Variants in DLG2 observed in about 807,000 individuals in gnomAD.
The protein encoded by DLG2 is discs large MAGUK scaffold protein 2, also known as disks large homolog 2.
A neutral mutation model predicts 132.5 loss-of-function variants in DLG2; 45 were observed. The ratio of observed to expected loss-of-function variants is 0.34; its 90% CI spans 0.27 to 0.44. DLG2 has a LOEUF of 0.44. DLG2 is among the 20% of genes least tolerant of loss of function. The pLI, the probability that DLG2 is intolerant of heterozygous loss-of-function variation, is 1.00. For synonymous variants in DLG2, 424 were observed against 419.6 expected (o/e 1.01, Z -0.13); for missense variants, 1,045 against 1,196.9 (o/e 0.87, Z 1.87).
chr11:84,873,315 C>G (rs1329515380), intron 6 of DLG2, among the ~76,000 whole-genome samples: 1 of 152,132 alleles, frequency 6.6e-6, no homozygotes, highest in Non-Finnish European at 1.5e-5. Flanking sequence ...CAGGCAGCCT[C>G]TAGAAGCTGG....
At chr11:84,106,762 A>G (rs2092942802) in intron 9 of DLG2, among the ~76,000 whole-genome samples, 1 of 152,016 alleles carries the variant, frequency 6.6e-6, no homozygotes. Flanking sequence ...TGTAGACCAA[A>G]GAACTCCTGA....
intron 7 of DLG2, among the ~76,000 whole-genome samples, chr11:84,316,327 GTTC>G (rs1052532825): frequency 1.3e-5 from 2 of 151,932 alleles, no homozygotes; most frequent in Non-Finnish European, 2.9e-5. Flanking sequence ...GTAAATAATT[GTTC>G]TTCTCCATAA....
intron 8 of DLG2, among the ~76,000 whole-genome samples, chr11:84,195,453 C>A (rs768359578): frequency 6.6e-6 from 1 of 152,124 alleles, no homozygotes; most frequent in African/African-American, 2.4e-5. Flanking sequence ...CATAAGCTAC[C>A]GTGCCCAGCC....
Position 84,760,724 on chromosome 11 carries a change from A to G in DLG2, c.358-225993T>C, listed in dbSNP as rs576922363. 5.9e-5 allele frequency among the ~76,000 whole-genome samples: 9 copies of G among 152,290 alleles called. No individual in the cohort carries two copies. In the East Asian group the frequency reaches 1.7e-3, roughly 29 times the overall value. On this transcript the variant is annotated intron_variant, in intron 6 of 27. Transcript: ENST00000376104. ...TGTTTTTCTCTGCAGTCCTGTATATACTAATATGAACAGGAGACAGGAAAA... is the reference window on the plus strand; with the variant it reads ...TGTTTTTCTCTGCAGTCCTGTATATGCTAATATGAACAGGAGACAGGAAAA...
At chr11:83,731,044 G>A (rs2090917097) in intron 18 of DLG2, among the ~76,000 whole-genome samples, 1 of 152,152 alleles carries the variant, frequency 6.6e-6, no homozygotes, top group Non-Finnish European at 1.5e-5. Flanking sequence ...TGTTGAGTTA[G>A]TATACTCATC....
chr11:84,566,251 C>A (rs906398010), intron 6 of DLG2, among the ~76,000 whole-genome samples: 5 of 152,088 alleles, frequency 3.3e-5, no homozygotes, highest in African/African-American at 1.2e-4. Context: ...GCATGAGACA[C>A]CGTGTCTGGT....
chr11:83,657,775 C>A (rs552171173), intron 18 of DLG2, among the ~76,000 whole-genome samples: 1 of 152,014 alleles, frequency 6.6e-6, no homozygotes, highest in Non-Finnish European at 1.5e-5. Flanking sequence ...CTCCTGACCT[C>A]GTGATCCGCC....
chr11:83,622,021 T>C (rs2061710187), intron 19 of DLG2, among the ~76,000 whole-genome samples: 1 of 152,158 alleles, frequency 6.6e-6, no homozygotes, highest in Admixed American at 6.5e-5. Flanking sequence ...CTCAAGCGAT[T>C]CTCCTGCCTT....
chr11:85,609,524 G>A (rs2080839168), intron 2 of DLG2, among the ~76,000 whole-genome samples: 1 of 152,160 alleles, frequency 6.6e-6, no homozygotes, highest in African/African-American at 2.4e-5. Flanking sequence ...TATCAGTGTG[G>A]TTTACAAGGA....
At chr11:84,440,522 T>C (rs937763496) in intron 7 of DLG2, among the ~76,000 whole-genome samples, 4 of 152,190 alleles carry the variant, frequency 2.6e-5, no homozygotes, top group Non-Finnish European at 4.4e-5. Flanking sequence ...GCTGTAAAGG[T>C]GGCAGCTTCC....
At chr11:83,861,061 G>C (rs1332633181) in intron 16 of DLG2, among the ~76,000 whole-genome samples, 1 of 152,002 alleles carries the variant, frequency 6.6e-6, no homozygotes, top group Non-Finnish European at 1.5e-5. Flanking sequence ...TGTGAAAATG[G>C]ACTAATAAAA....
intron 4 of DLG2, among the ~76,000 whole-genome samples, chr11:85,210,539 C>CT (rs907337737): frequency 7.3e-5 from 11 of 151,628 alleles, no homozygotes; most frequent in South Asian, 2.1e-4. Flanking sequence ...TTTTCTTATA[C>CT]TTTTTTTTTC....
At chr11:84,193,163 T>C (rs1214241740) in intron 8 of DLG2, among the ~76,000 whole-genome samples, 1 of 152,168 alleles carries the variant, frequency 6.6e-6, no homozygotes, top group African/African-American at 2.4e-5. Context: ...TCCTAGACAG[T>C]CATTGTTGAA....
At chr11:83,669,758 G>GA (rs2076522624) in intron 18 of DLG2, among the ~76,000 whole-genome samples, 1 of 152,166 alleles carries the variant, frequency 6.6e-6, no homozygotes, top group African/African-American at 2.4e-5. Context: ...AAACAAACAT[G>GA]AAAAGCTATC....
chr11:83,497,311 G>T (rs967597932), intron 21 of DLG2, among the ~76,000 whole-genome samples: 1 of 152,192 alleles, frequency 6.6e-6, no homozygotes, highest in African/African-American at 2.4e-5. Context: ...GGGAGGCCAA[G>T]GTAGGTGGAT....
At chr11:83,646,302 T>C (rs2068141833) in intron 18 of DLG2, among the ~76,000 whole-genome samples, 1 of 151,590 alleles carries the variant, frequency 6.6e-6, no homozygotes, top group East Asian at 1.9e-4. Flanking sequence ...TCCTTTTTTA[T>C]CTCCTATATA....
chr11:84,501,538 C>T (rs191029520), intron 7 of DLG2, among the ~76,000 whole-genome samples: 85 of 152,204 alleles, frequency 5.6e-4, no homozygotes, highest in African/African-American at 1.8e-3. Flanking sequence ...TGCACTCCAG[C>T]CTGGGTGACA....
chr11:84,606,640 T>G (rs1361154905), intron 6 of DLG2, among the ~76,000 whole-genome samples: 2 of 152,124 alleles, frequency 1.3e-5, no homozygotes, highest in African/African-American at 4.8e-5. Context: ...AAATTCCTTT[T>G]GGACAGCTGA....
intron 24 of DLG2, among the ~76,000 whole-genome samples, chr11:83,469,662 G>C (rs573760282): frequency 6.6e-6 from 1 of 152,256 alleles, no homozygotes; most frequent in South Asian, 2.1e-4. Flanking sequence ...TCTCTACCTA[G>C]AGGCCATTTC....
Sources: gnomAD v4.1 joint callset for allele counts (sites outside exome capture counted in the v4.1 genomes callset) on GRCh38, gnomAD v4.1.1 for gene constraint, MANE v1.5 for transcripts, NCBI Gene and HGNC (gene_info 2026-07-23, HGNC 2026-07-21) for gene names.